Variants in WRN observed in about 807,000 individuals in gnomAD.
WRN encodes WRN RecQ like helicase.
In WRN, 149 loss-of-function variants were observed where a neutral mutation model predicts 180.7. The ratio of observed to expected loss-of-function variants is 0.82; its 90% CI spans 0.72 to 0.94. The LOEUF (loss-of-function observed/expected upper bound fraction) is 0.94, where lower values mean the gene tolerates loss of function less well. WRN is among the 40% of genes least tolerant of loss of function. The pLI is 0.00. For synonymous variants in WRN, 548 were observed against 568.9 expected (o/e 0.96, Z 0.52); for missense variants, 1,661 against 1,700.1 (o/e 0.98, Z 0.40).
At chr8:31,111,905 C>A in intron 19 of WRN, 106 bp downstream of exon 19, 1 of 1,360,730 alleles carries the variant, frequency 7.3e-7, no homozygotes, top group South Asian at 1.3e-5. Context: ...GCATATTTAA[C>A]ATATTTCAAA....
Position 31,147,442 on chromosome 8 carries a change from A to G in WRN, c.3538A>G (p.Thr1180Ala), listed in dbSNP as rs772910372. The change falls in exon 30 of 35, where the codon ACA becomes GCA. Residue 1180 changes from threonine to alanine, a missense_variant. Coordinates refer to ENST00000298139, the MANE Select transcript of WRN (RefSeq NM_000553.6). The part of the protein sequence containing the change: ...KMDVPPAILA[T>A]NKILVDMAKM... ...GGATGTTCCCCCAGCTATTCTGGCA[A>G]CAAACAAGATACTGGTGGATATGGC... 1.2e-6 allele frequency: 2 copies of G among 1,613,974 alleles called. No individual in the cohort carries two copies. The highest frequency in any genetic ancestry group is 2.7e-5 in the African/African-American group (2 of 74,934).
At position 31,150,317 on chromosome 8, in the gene WRN, T is replaced by C. The variant is rs939175090; in HGVS notation, c.3573-24T>C. On this transcript the variant is annotated intron_variant, in intron 30 of 34. Coordinates refer to ENST00000298139, the MANE Select transcript of WRN (RefSeq NM_000553.6). ...AGTGGTTTCTTGACCTTTTTGTTGT[T>C]GTTGTTGTTGTTGTTAAACACAGAC... 2.5e-6 allele frequency: 4 copies of C among 1,576,302 alleles called. No individual in the cohort carries two copies. The African/African-American group carries it at 5.4e-5, about 21-fold the overall frequency.
chr8:31,106,911 T>C lies in WRN; in HGVS notation c.2089-4704T>C, dbSNP rs138443835. ...ATGGGGTGAATGAATGAATGAATGA[T>C]GATGAGAAAGCTGAGAATCAGTAAA... is the stretch of plus-strand genomic sequence containing the variant. On this transcript the variant is annotated intron_variant, in intron 18 of 34. Coordinates refer to ENST00000298139, the MANE Select transcript of WRN (RefSeq NM_000553.6). Among the ~76,000 whole-genome samples, 33 of 152,280 alleles carry C rather than the reference T, an allele frequency of 2.2e-4. 1 individual carries two copies. In the East Asian group the frequency reaches 5.8e-3, roughly 27 times the overall value.
rs1230777144 is a variant in WRN at position 31,174,606 on chromosome 8, C to T, written c.*1504C>T. Among the ~76,000 whole-genome samples the T allele has an allele frequency of 1.3e-5, 2 of 152,120 alleles. No individual in the cohort carries two copies. The highest frequency in any genetic ancestry group is 4.8e-5 in the African/African-American group (2 of 41,408). On this transcript the variant is annotated 3_prime_UTR_variant, in exon 35 of 35. Transcript: ENST00000298139. ...ATAATTTTGGAAAAGTTGTGTTCCT[C>T]CACTGGAAGCTTGACAGCTTTCCTT... is the stretch of plus-strand genomic sequence containing the variant.
intron 20 of WRN, among the ~76,000 whole-genome samples, chr8:31,116,985 A>G (rs1051605880): frequency 1.3e-5 from 2 of 152,140 alleles, no homozygotes; most frequent in African/African-American, 4.8e-5. Flanking sequence ...TAGGAATGGC[A>G]CAAAGTATGG....
At chr8:31,041,233 C>T (rs146105118) in intron 1 of WRN, among the ~76,000 whole-genome samples, 101 of 152,282 alleles carry the variant, frequency 6.6e-4, no homozygotes, top group African/African-American at 2.4e-3. Context: ...GCCTGAGAAC[C>T]AGGAGAGCCT....
chr8:31,102,583 G>C (rs1800919877), intron 18 of WRN, among the ~76,000 whole-genome samples: 5 of 152,154 alleles, frequency 3.3e-5, no homozygotes. Context: ...AAGTATTTGT[G>C]TATCTAAACT....
chr8:31,091,236 C>T (rs915387942), intron 15 of WRN, among the ~76,000 whole-genome samples: 1 of 151,996 alleles, frequency 6.6e-6, no homozygotes, highest in Non-Finnish European at 1.5e-5. Context: ...GTTACCCTTG[C>T]TTTTTAGCTT....
At chr8:31,153,606 A>G (rs190277544) in intron 31 of WRN, among the ~76,000 whole-genome samples, 10 of 152,210 alleles carry the variant, frequency 6.6e-5, no homozygotes, top group Admixed American at 6.5e-4. Context: ...TTCCACATGT[A>G]AAATGTAATC....
At chr8:31,041,641 C>T (rs2129917845) in intron 1 of WRN, among the ~76,000 whole-genome samples, 1 of 152,260 alleles carries the variant, frequency 6.6e-6, no homozygotes, top group African/African-American at 2.4e-5. Flanking sequence ...GAAGCAAGAT[C>T]ATCAGCTAAG....
intron 23 of WRN, among the ~76,000 whole-genome samples, chr8:31,127,842 T>G (rs1801988779): frequency 6.6e-6 from 1 of 152,146 alleles, no homozygotes. Flanking sequence ...AAAGATCGCT[T>G]GAGCCTGGAA....
intron 21 of WRN, 128 bp from the exon 22 acceptor site, chr8:31,124,393 GT>G: frequency 1.4e-6 from 1 of 700,616 alleles, no homozygotes; most frequent in Non-Finnish European, 2.4e-6. Context: ...TGCTAGAAAT[GT>G]TTTTTTATCT....
chr8:31,064,409 C>T lies in WRN; in HGVS notation c.330C>T (p.Tyr110=), dbSNP rs749053792. The T allele has an allele frequency of 1.2e-6, 2 of 1,614,082 alleles. No homozygotes were observed. The highest frequency in any genetic ancestry group is 2.2e-5 in the South Asian group (2 of 91,082). The part of the protein sequence containing the change: ...IQLCVSESKC[Y]LFHVSSMSVF... Reference sequence around the variant, plus strand: ...TGTGTGTTTCTGAGAGCAAATGTTACTTGTTCCACGTTTCTTCCATGTCAG... The same window carrying T: ...TGTGTGTTTCTGAGAGCAAATGTTATTTGTTCCACGTTTCTTCCATGTCAG... Residue 110 remains tyrosine (Y), a synonymous_variant, in exon 4 of 35, where the codon TAC becomes TAT. Coordinates refer to ENST00000298139, the MANE Select transcript of WRN (RefSeq NM_000553.6).
intron 23 of WRN, among the ~76,000 whole-genome samples, chr8:31,129,090 G>T (rs1161150929): frequency 2.0e-5 from 3 of 152,020 alleles, no homozygotes; most frequent in African/African-American, 4.8e-5. Context: ...CAATTCTCTT[G>T]CCTCACCTCA....
rs749853887 is a variant in WRN at position 31,157,541 on chromosome 8, T to C, written c.3982+11T>C. 16 of 1,613,886 alleles carry C rather than the reference T, an allele frequency of 9.9e-6. No homozygotes were observed. Among genetic ancestry groups the C allele is most frequent in the Non-Finnish European group, 1.3e-5 (15 of 1,179,974 alleles). On this transcript the variant is annotated intron_variant, in intron 33 of 34. Transcript: ENST00000298139. Reference sequence around the variant, plus strand: ...CTCCCGTCAACTCAGGTGAGAGGCATGGCCTAGCTCTGCACCCTTAATGAC... The same window carrying C: ...CTCCCGTCAACTCAGGTGAGAGGCACGGCCTAGCTCTGCACCCTTAATGAC...
chr8:31,092,280 T>C lies in WRN; in HGVS notation c.1898+382T>C, dbSNP rs76777119. Among the ~76,000 whole-genome samples, 8 of 152,206 alleles carry C rather than the reference T, an allele frequency of 5.3e-5. No homozygotes were observed. In the East Asian group the frequency reaches 1.2e-3, roughly 22 times the overall value. ...GAATATAAAGATTTGTCTCATTTTA[T>C]AGATGAGAAAACTGAGGCTCAGAGA... On this transcript the variant is annotated intron_variant, in intron 16 of 34. Transcript: ENST00000298139.
chr8:31,121,861 A>G (rs1282552399), intron 21 of WRN, among the ~76,000 whole-genome samples: 1 of 152,000 alleles, frequency 6.6e-6, no homozygotes, highest in Non-Finnish European at 1.5e-5. Flanking sequence ...TCCTTTAGAC[A>G]GTTGTATCTG....
chr8:31,158,389 T>C (rs531164215), intron 33 of WRN, among the ~76,000 whole-genome samples: 27 of 141,638 alleles, frequency 1.9e-4, no homozygotes, highest in African/African-American at 5.9e-4. Flanking sequence ...TGTAGAAATA[T>C]TTTAAATTAT....
At chr8:31,091,996 G>C (rs759493010) in intron 16 of WRN, 98 bp downstream of exon 16, 187 of 1,118,756 alleles carry the variant, frequency 1.7e-4, no homozygotes, top group Non-Finnish European at 2.4e-4. Flanking sequence ...AGGAAGTTGT[G>C]AGTAATTTAT....
Sources: gnomAD v4.1 joint callset for allele counts (sites outside exome capture counted in the v4.1 genomes callset) on GRCh38, gnomAD v4.1.1 for gene constraint, MANE v1.5 for transcripts, NCBI Gene and HGNC (gene_info 2026-07-23, HGNC 2026-07-21) for gene names.